Variants in PTPRM observed in about 807,000 individuals in gnomAD.
PTPRM encodes receptor-type tyrosine-protein phosphatase mu.
Under a neutral mutation model 186.7 loss-of-function variants are expected in PTPRM, and 47 were observed. The ratio of observed to expected loss-of-function variants is 0.25; its 90% CI spans 0.20 to 0.32. The LOEUF (loss-of-function observed/expected upper bound fraction) is 0.32. Ranked by LOEUF, PTPRM falls within the 10% of genes least tolerant of loss-of-function variation. PTPRM has a pLI of 1.00. For synonymous variants in PTPRM, 668 were observed against 674.9 expected, an observed-to-expected ratio of 0.99 and a Z score of 0.16; for missense variants, 1,494 against 1,865.0, an observed-to-expected ratio of 0.80 and a Z score of 3.66.
intron 1 of PTPRM, among the ~76,000 whole-genome samples, chr18:7,631,052 A>C (rs2038179438): frequency 6.6e-6 from 1 of 152,154 alleles, no homozygotes; most frequent in Non-Finnish European, 1.5e-5. Flanking sequence ...CCGGCCAGAA[A>C]CATTTTCCCT....
At chr18:7,636,696 C>T (rs2038322327) in intron 1 of PTPRM, among the ~76,000 whole-genome samples, 1 of 152,124 alleles carries the variant, frequency 6.6e-6, no homozygotes, top group Non-Finnish European at 1.5e-5. Context: ...TCTGTACAGT[C>T]TGCAGGATGC....
intron 1 of PTPRM, among the ~76,000 whole-genome samples, chr18:7,616,791 C>T (rs1379793271): frequency 2.0e-5 from 3 of 152,184 alleles, no homozygotes; most frequent in Non-Finnish European, 2.9e-5. Flanking sequence ...TGTCTTCCCA[C>T]TTGGGGTGGG....
At chr18:7,832,178 T>G (rs1418218018) in intron 2 of PTPRM, among the ~76,000 whole-genome samples, 1 of 152,186 alleles carries the variant, frequency 6.6e-6, no homozygotes, top group Non-Finnish European at 1.5e-5. Flanking sequence ...TAGCTGTAAT[T>G]TTAGTTTTTC....
chr18:7,866,031 T>C (rs2047672236), intron 2 of PTPRM, among the ~76,000 whole-genome samples: 1 of 152,198 alleles, frequency 6.6e-6, no homozygotes, highest in Non-Finnish European at 1.5e-5. Flanking sequence ...AGTTGTGATA[T>C]CCCGTTTATT....
At chr18:7,623,993 G>C (rs1259536214) in intron 1 of PTPRM, among the ~76,000 whole-genome samples, 1 of 152,110 alleles carries the variant, frequency 6.6e-6, no homozygotes, top group Non-Finnish European at 1.5e-5. Flanking sequence ...TGCAGGGGGT[G>C]GGGGTAACTA....
intron 23 of PTPRM, among the ~76,000 whole-genome samples, chr18:8,353,163 G>A (rs560600351): frequency 6.6e-6 from 1 of 152,296 alleles, no homozygotes; most frequent in South Asian, 2.1e-4. Context: ...TGGCAAGATG[G>A]AGAAAGAGCT....
At chr18:7,703,177 T>C (rs1193620057) in intron 1 of PTPRM, among the ~76,000 whole-genome samples, 1 of 152,192 alleles carries the variant, frequency 6.6e-6, no homozygotes, top group Non-Finnish European at 1.5e-5. Context: ...CATATGAAAT[T>C]TGAAGTATTT....
At position 7,627,350 on chromosome 18, in the gene PTPRM, C is replaced by T. The variant is rs117105417; in HGVS notation, c.73+59459C>T. Among the ~76,000 whole-genome samples the T allele has an allele frequency of 4.2e-3, 640 of 152,274 alleles. 2 individuals are homozygous for T. The highest frequency in any genetic ancestry group is 5.9e-3 in the Non-Finnish European group (403 of 68,010). Reference sequence around the variant, plus strand: ...GGCTTGGTTTAGTCCAGCAGCCAGGCGGGGAAGCATTTTATTCCTCTCTGT... The same window carrying T: ...GGCTTGGTTTAGTCCAGCAGCCAGGTGGGGAAGCATTTTATTCCTCTCTGT... On this transcript the variant is annotated intron_variant, in intron 1 of 32. Transcript: ENST00000580170.
intron 13 of PTPRM, among the ~76,000 whole-genome samples, chr18:8,115,259 T>G (rs917069713): frequency 6.6e-6 from 1 of 152,020 alleles, no homozygotes; most frequent in African/African-American, 2.4e-5. Context: ...GAAAGTGGAG[T>G]CTACGCGGGC....
At position 8,135,186 on chromosome 18, in the gene PTPRM, G is replaced by T. The variant is rs141686823; in HGVS notation, c.2168-8461G>T. 1.3e-3 allele frequency among the ~76,000 whole-genome samples: 195 copies of T among 152,152 alleles called. 1 individual carries two copies. The highest frequency in any genetic ancestry group is 4.5e-3 in the African/African-American group (186 of 41,508). The stretch of plus-strand genomic sequence containing the variant: ...TGTCTTCCAATCTCTACATACTGGG[G>T]CTAGTCATAAATGAGGATTTGATTC... On this transcript the variant is annotated intron_variant, in intron 13 of 32. Transcript: ENST00000580170.
chr18:7,671,963 C>T (rs2039226470), intron 1 of PTPRM, among the ~76,000 whole-genome samples: 1 of 152,156 alleles, frequency 6.6e-6, no homozygotes, highest in Non-Finnish European at 1.5e-5. Context: ...TTTTAAACGT[C>T]GTTTCGTAGG....
chr18:7,878,693 C>T (rs146270410), intron 2 of PTPRM, among the ~76,000 whole-genome samples: 1 of 152,284 alleles, frequency 6.6e-6, no homozygotes, highest in Non-Finnish European at 1.5e-5. Context: ...GGTAGACTAT[C>T]ACCAGATAGC....
In PTPRM at chr18:7,824,617, A is replaced by C. The variant is rs2045386297; in HGVS notation, c.196+50346A>C. On this transcript the variant is annotated intron_variant, in intron 2 of 32. Transcript: ENST00000580170. ...AACTACTAGACTATTTCTATCAGCA[A>C]GGTACATTTTTAATATAGTTGTATT... is the stretch of plus-strand genomic sequence containing the variant. 2.6e-5 allele frequency among the ~76,000 whole-genome samples: 4 copies of C among 152,218 alleles called. No homozygotes were observed. The South Asian group carries it at 8.3e-4, about 32-fold the overall frequency.
chr18:8,125,209 C>CAA (rs11315965), intron 13 of PTPRM, among the ~76,000 whole-genome samples: 2 of 134,738 alleles, frequency 1.5e-5, no homozygotes, highest in African/African-American at 5.5e-5. Context: ...GACTCTGTCT[C>CAA]AAAAAAAAAA....
At chr18:7,669,145 G>T (rs1045583712) in intron 1 of PTPRM, among the ~76,000 whole-genome samples, 1 of 152,088 alleles carries the variant, frequency 6.6e-6, no homozygotes, top group Non-Finnish European at 1.5e-5. Flanking sequence ...ACCTAGGAAA[G>T]AAAGGGCAGG....
intron 31 of PTPRM, among the ~76,000 whole-genome samples, chr18:8,390,269 A>G (rs900719856): frequency 1.3e-5 from 2 of 152,258 alleles, no homozygotes; most frequent in Non-Finnish European, 2.9e-5. Flanking sequence ...CTCCATGTAC[A>G]GAATCCCTTC....
At chr18:8,102,116 T>C (rs2091317537) in intron 11 of PTPRM, among the ~76,000 whole-genome samples, 1 of 152,182 alleles carries the variant, frequency 6.6e-6, no homozygotes, top group Non-Finnish European at 1.5e-5. Context: ...TCTACCTTAA[T>C]TAAAAAATAC....
intron 1 of PTPRM, among the ~76,000 whole-genome samples, chr18:7,676,346 A>G (rs757571497): frequency 6.6e-6 from 1 of 152,170 alleles, no homozygotes; most frequent in Non-Finnish European, 1.5e-5. Context: ...GCGATCAGCT[A>G]TAATTGTGGG....
chr18:8,244,542 C>T (rs1010275826), intron 15 of PTPRM, among the ~76,000 whole-genome samples: 1 of 152,158 alleles, frequency 6.6e-6, no homozygotes, highest in Non-Finnish European at 1.5e-5. Context: ...TGTAAACTAT[C>T]CAGGTGTGGA....
Sources: gnomAD v4.1 joint callset for allele counts (sites outside exome capture counted in the v4.1 genomes callset) on GRCh38, gnomAD v4.1.1 for gene constraint, MANE v1.5 for transcripts, NCBI Gene and HGNC (gene_info 2026-07-23, HGNC 2026-07-21) for gene names.